SYT13: variants seen among roughly 807,000 people sequenced by gnomAD.
The protein encoded by SYT13 is synaptotagmin-13.
Under a neutral mutation model 38.6 loss-of-function variants are expected in SYT13, and 21 were observed. The ratio of observed to expected loss-of-function variants is 0.54; its 90% CI spans 0.39 to 0.78. The LOEUF (loss-of-function observed/expected upper bound fraction) is 0.78. SYT13 is among the 30% of genes least tolerant of loss of function. SYT13 has a pLI of 0.00. For synonymous variants in SYT13, 241 were observed against 237.6 expected, an observed-to-expected ratio of 1.01 and a Z score of -0.13; for missense variants, 495 against 548.7, an observed-to-expected ratio of 0.90 and a Z score of 0.98.
chr11:45,270,377 T>C (rs1854935216), intron 1 of SYT13, among the ~76,000 whole-genome samples: 1 of 152,242 alleles, frequency 6.6e-6, no homozygotes, highest in Non-Finnish European at 1.5e-5. Context: ...TATTAAAGGC[T>C]GAAAAGTTTG....
At chr11:45,284,319 C>T (rs1043346574) in intron 1 of SYT13, among the ~76,000 whole-genome samples, 1 of 152,142 alleles carries the variant, frequency 6.6e-6, no homozygotes, top group Non-Finnish European at 1.5e-5. Flanking sequence ...CAGCTCTAGG[C>T]AAGTCAGTTA....
chr11:45,274,396 G>A (rs1194706095), intron 1 of SYT13, among the ~76,000 whole-genome samples: 4 of 152,174 alleles, frequency 2.6e-5, no homozygotes, highest in Non-Finnish European at 4.4e-5. Context: ...AGTAAGAGAC[G>A]AGATCATTAG....
In SYT13 at chr11:45,241,441, C is replaced by G. The variant is rs907622436; in HGVS notation, c.*2611G>C. 2.6e-5 allele frequency: 4 copies of G among 152,148 alleles called. No individual in the cohort carries two copies. The highest frequency in any genetic ancestry group is 5.9e-5 in the Non-Finnish European group (4 of 68,028). 9.4% of individuals were successfully genotyped at this position (152,148 alleles called of 1,614,324 possible). A position where few individuals can be genotyped will look rare whatever the true frequency, so the allele number is the denominator to read the frequency against. On this transcript the variant is annotated 3_prime_UTR_variant, in exon 6 of 6. Coordinates refer to ENST00000020926, the MANE Select transcript of SYT13 (RefSeq NM_020826.3). Reference sequence around the variant, plus strand: ...CATCTAAGATGTTCTGTGGCGGAACCTGGCCCCCATCAGGGGCAACCTTTA... The same window carrying G: ...CATCTAAGATGTTCTGTGGCGGAACGTGGCCCCCATCAGGGGCAACCTTTA...
intron 5 of SYT13, 74 bp downstream of exon 5, chr11:45,246,309 C>A: frequency 6.4e-7 from 1 of 1,572,864 alleles, no homozygotes; most frequent in East Asian, 2.2e-5. Flanking sequence ...CCATTTCCTC[C>A]CAGGCACCAC....
At chr11:45,278,006 A>G (rs1304533328) in intron 1 of SYT13, among the ~76,000 whole-genome samples, 4 of 152,210 alleles carry the variant, frequency 2.6e-5, no homozygotes, top group African/African-American at 9.6e-5. Flanking sequence ...CCTGGCACAC[A>G]GTTATTCAAT....
intron 1 of SYT13, among the ~76,000 whole-genome samples, chr11:45,261,915 C>CAA (rs35524066): frequency 0.036 from 4,660 of 130,522 alleles, 245 homozygotes; most frequent in African/African-American, 0.12. Context: ...GACCTTGTCT[C>CAA]AAAAAAAAAA....
At chr11:45,277,201 C>A (rs1855020727) in intron 1 of SYT13, among the ~76,000 whole-genome samples, 1 of 151,922 alleles carries the variant, frequency 6.6e-6, no homozygotes, top group Admixed American at 6.6e-5. Context: ...ATAGGCAAAT[C>A]CATAAAGACA....
At chr11:45,275,788 G>T (rs1235896695) in intron 1 of SYT13, among the ~76,000 whole-genome samples, 1 of 140,378 alleles carries the variant, frequency 7.1e-6, no homozygotes, top group East Asian at 2.0e-4. Context: ...ATTAGATGGG[G>T]TTTGCAGGGC....
Position 45,244,093 on chromosome 11 carries a change from G to C in SYT13, c.1240C>G (p.Pro414Ala). Residue 414 changes from proline (P) to alanine (A), a missense_variant, in exon 6 of 6, where the codon CCT becomes GCT. Transcript: ENST00000020926. ...TGCCACATGGCAATCTGCCGGCGAG[G>C]GTTTTTGAGCATCTCCTCCCAGTGG... ...RSHWEEMLKN[P>A]RRQIAMWHQL... The C allele has an allele frequency of 6.2e-7, 1 of 1,610,206 alleles. No homozygotes were observed. Among genetic ancestry groups the C allele is most frequent in the Non-Finnish European group, 8.5e-7 (1 of 1,179,080 alleles).
At position 45,241,766 on chromosome 11, in the gene SYT13, T is replaced by C. The variant is rs907590950; in HGVS notation, c.*2286A>G. On this transcript the variant is annotated 3_prime_UTR_variant, in exon 6 of 6. Transcript: ENST00000020926. ...TGGTCAGCTTTCAGCTTATAGGAAA[T>C]GTTTTGTTTTCTTTTACCCACACCA... The C allele has an allele frequency of 2.6e-5, 4 of 152,124 alleles. No homozygotes were observed. The highest frequency in any genetic ancestry group is 4.4e-5 in the Non-Finnish European group (3 of 68,030). 9.4% of individuals were successfully genotyped at this position (152,124 alleles called of 1,614,324 possible). A position where few individuals can be genotyped will look rare whatever the true frequency, so the allele number is the denominator to read the frequency against.
chr11:45,258,746 AG>A (rs1020894669), intron 1 of SYT13, among the ~76,000 whole-genome samples: 10 of 151,974 alleles, frequency 6.6e-5, no homozygotes, highest in Admixed American at 3.3e-4. Flanking sequence ...CTTGAAAGAG[AG>A]GGGGATTTGG....
intron 1 of SYT13, among the ~76,000 whole-genome samples, chr11:45,281,437 G>A (rs986696171): frequency 1.3e-5 from 2 of 152,142 alleles, no homozygotes; most frequent in East Asian, 3.9e-4. Flanking sequence ...AGGCCGAGGT[G>A]GGAAGATGAC....
intron 1 of SYT13, among the ~76,000 whole-genome samples, chr11:45,268,280 G>C (rs1334135755): frequency 6.6e-6 from 1 of 151,378 alleles, no homozygotes; most frequent in Non-Finnish European, 1.5e-5. Flanking sequence ...TTATGGAGTG[G>C]ACATTTCCAG....
At chr11:45,248,577 A>C (rs1854639319) in intron 4 of SYT13, among the ~76,000 whole-genome samples, 1 of 152,222 alleles carries the variant, frequency 6.6e-6, no homozygotes, top group South Asian at 2.1e-4. Flanking sequence ...CTCAGTTGAC[A>C]GCCCTCCCTA....
chr11:45,272,195 G>C (rs1418012112), intron 1 of SYT13, among the ~76,000 whole-genome samples: 1 of 152,156 alleles, frequency 6.6e-6, no homozygotes, highest in East Asian at 1.9e-4. Context: ...GGGTCTGTCA[G>C]GGGTGGGGTG....
rs1239226240 is a variant in SYT13 at position 45,241,780 on chromosome 11, T to A, written c.*2272A>T. ...CTTATAGGAAATGTTTTGTTTTCTT[T>A]TACCCACACCAACCAAAGAGAAGAA... is the stretch of plus-strand genomic sequence containing the variant. On this transcript the variant is annotated 3_prime_UTR_variant, in exon 6 of 6. Coordinates refer to ENST00000020926, the MANE Select transcript of SYT13 (RefSeq NM_020826.3). The A allele has an allele frequency of 6.6e-6, 1 of 152,174 alleles. No homozygotes were observed. Among genetic ancestry groups the A allele is most frequent in the Non-Finnish European group, 1.5e-5 (1 of 68,038 alleles). 9.4% of individuals were successfully genotyped at this position (152,174 alleles called of 1,614,324 possible).
At chr11:45,258,943 A>G (rs899670232) in intron 1 of SYT13, among the ~76,000 whole-genome samples, 3 of 152,188 alleles carry the variant, frequency 2.0e-5, no homozygotes, top group Non-Finnish European at 4.4e-5. Flanking sequence ...CTGTTTCACA[A>G]TGAGGAAACT....
At chr11:45,276,253 TA>T (rs930097382) in intron 1 of SYT13, among the ~76,000 whole-genome samples, 4 of 152,222 alleles carry the variant, frequency 2.6e-5, no homozygotes, top group Non-Finnish European at 5.9e-5. Context: ...TATGTAGCCA[TA>T]AAAAAGGATG....
intron 1 of SYT13, among the ~76,000 whole-genome samples, chr11:45,267,813 A>T (rs183460397): frequency 1.3e-5 from 2 of 152,102 alleles, no homozygotes; most frequent in Non-Finnish European, 2.9e-5. Flanking sequence ...CAAAGGGGAA[A>T]TCCACCTTGA....
Sources: gnomAD v4.1 joint callset for allele counts (sites outside exome capture counted in the v4.1 genomes callset) on GRCh38, gnomAD v4.1.1 for gene constraint, MANE v1.5 for transcripts, NCBI Gene and HGNC (gene_info 2026-07-23, HGNC 2026-07-21) for gene names.